Variants in NCLN observed in about 807,000 individuals in gnomAD.
The protein encoded by NCLN is BOS complex subunit NCLN.
Under a neutral mutation model 69.5 loss-of-function variants are expected in NCLN, and 34 were observed. The observed-to-expected ratio is 0.49, with a 90% CI of 0.37 to 0.65. The LOEUF is 0.65. Ranked by LOEUF, NCLN falls within the 30% of genes least tolerant of loss-of-function variation. The probability of loss-of-function intolerance (pLI) is 0.00; values close to 1 mark genes in which losing one functional copy is unlikely to be tolerated. For missense variants in NCLN, 710 were observed against 804.8 expected (o/e 0.88, Z 1.42); for synonymous variants, 393 against 358.3 (o/e 1.10, Z -1.09).
At position 3,206,321 on chromosome 19, in the gene NCLN, C is replaced by T. The variant is rs1413308878; in HGVS notation, c.1395C>T (p.Ala465=). Residue 465 remains alanine, a synonymous_variant, in exon 12 of 15, where the codon GCC becomes GCT. Transcript: ENST00000246117. The part of the protein sequence containing the change: ...VMDWLTNQPR[A]AQLVDKDSTF... Reference sequence around the variant, plus strand: ...ACTGGCTCACCAACCAGCCGCGGGCCGCGCAGCTGGTGGACAAGGACAGCA... The same window carrying T: ...ACTGGCTCACCAACCAGCCGCGGGCTGCGCAGCTGGTGGACAAGGACAGCA... 92 of 1,548,176 alleles carry T rather than the reference C, an allele frequency of 5.9e-5. No homozygotes were observed. Among genetic ancestry groups the T allele is most frequent in the Non-Finnish European group, 7.7e-5 (88 of 1,146,934 alleles).
At chr19:3,198,972 C>T (rs1916050944) in intron 5 of NCLN, 75 bp downstream of exon 5, 12 of 1,100,298 alleles carry the variant, frequency 1.1e-5, no homozygotes, top group Non-Finnish European at 1.2e-5. Context: ...CGAGGCAAAG[C>T]GCCTGTAGGG....
intron 4 of NCLN, among the ~76,000 whole-genome samples, chr19:3,197,267 G>T (rs922618967): frequency 1.3e-5 from 2 of 152,180 alleles, no homozygotes; most frequent in African/African-American, 4.8e-5. Flanking sequence ...CCCTGGCTGT[G>T]CCCTTTCTCC....
chr19:3,203,794 TTAAC>T lies in NCLN; in HGVS notation c.842_845del (p.Asn281ThrfsTer130). 6.2e-7 allele frequency: 1 copy of T among 1,613,382 alleles called. No homozygotes were observed. Among genetic ancestry groups the T allele is most frequent in the Non-Finnish European group, 8.5e-7 (1 of 1,179,892 alleles). ...TTCTTTGCGTCTGGAGGAGGCAAGT[TTAAC>T]TACCAGGGAACCAAGCGCTGGCTGG... On this transcript the variant is annotated frameshift_variant, in exon 7 of 15. Transcript: ENST00000246117. LOFTEE classifies it high-confidence loss of function.
chr19:3,202,682 G>A (rs1599357527), intron 6 of NCLN, among the ~76,000 whole-genome samples: 2 of 152,122 alleles, frequency 1.3e-5, no homozygotes, highest in Non-Finnish European at 2.9e-5. Context: ...GGCCTCAAGC[G>A]ATCCTCCTGC....
chr19:3,203,313 GA>G lies in NCLN; in HGVS notation c.801-431del, dbSNP rs558254917. Among the ~76,000 whole-genome samples the G allele has an allele frequency of 3.5e-3, 491 of 139,302 alleles. 1 individual carries two copies. Among genetic ancestry groups the G allele is most frequent in the South Asian group, 0.012 (54 of 4,404 alleles). The allele number at this position is 139,302 out of a possible 152,430, so 91.4% of individuals were successfully genotyped here. A position where few individuals can be genotyped will look rare whatever the true frequency, so the allele number is the denominator to read the frequency against. The stretch of plus-strand genomic sequence containing the variant: ...GAAAGAGCGAAACTCCGTCCCAAAA[GA>G]AAAAAAAAAAAGAATTCTTCTTCTT... On this transcript the variant is annotated intron_variant, in intron 6 of 14. Coordinates refer to ENST00000246117, the MANE Select transcript of NCLN (RefSeq NM_020170.4).
Position 3,208,058 on chromosome 19 carries a change from C to T in NCLN, c.*370C>T, listed in dbSNP as rs1040418049. 4 of 247,318 alleles carry T rather than the reference C, an allele frequency of 1.6e-5. No homozygotes were observed. Among genetic ancestry groups the T allele is most frequent in the South Asian group, 1.2e-4 (2 of 17,170 alleles). The allele number at this position is 247,318 out of a possible 1,614,324, so 15.3% of individuals were successfully genotyped here. A position where few individuals can be genotyped will look rare whatever the true frequency, so the allele number is the denominator to read the frequency against. ...CCCCTGCCCGATCGCGCGCGGCCTC[C>T]GCCCACCGCCTCCTGCCGCAAGGGG... is the stretch of plus-strand genomic sequence containing the variant. On this transcript the variant is annotated 3_prime_UTR_variant, in exon 15 of 15. Transcript: ENST00000246117.
chr19:3,193,218 G>T lies in NCLN; in HGVS notation c.376-66G>T, dbSNP rs561579389. ...GCTACCCCCACCAGGGACAGTCACT[G>T]GGCCCCCTGCTACCTTGCCACCCCC... On this transcript the variant is annotated intron_variant, in intron 2 of 14. Coordinates refer to ENST00000246117, the MANE Select transcript of NCLN (RefSeq NM_020170.4). The T allele has an allele frequency of 9.8e-5, 145 of 1,472,642 alleles. No homozygotes were observed. The African/African-American group carries it at 2.0e-3, about 20-fold the overall frequency. 91.2% of individuals were successfully genotyped at this position (1,472,642 alleles called of 1,614,324 possible). A position where few individuals can be genotyped will look rare whatever the true frequency, so the allele number is the denominator to read the frequency against.
At position 3,207,959 on chromosome 19, in the gene NCLN, C is replaced by T; in HGVS notation, c.*271C>T. On this transcript the variant is annotated 3_prime_UTR_variant, in exon 15 of 15. Transcript: ENST00000246117. ...CAGGCTACGGACTTGCGGACGAGCC[C>T]CCCAGTCCTGGGAGCCGGCCGCCCT... is the stretch of plus-strand genomic sequence containing the variant. 1 of 493,900 alleles carries T rather than the reference C, an allele frequency of 2.0e-6. No individual in the cohort carries two copies. Among genetic ancestry groups the T allele is most frequent in the Non-Finnish European group, 3.7e-6 (1 of 273,602 alleles). The allele number at this position is 493,900 out of a possible 1,614,324, so 30.6% of individuals were successfully genotyped here.
chr19:3,189,738 C>A (rs962595708), intron 1 of NCLN, among the ~76,000 whole-genome samples: 4 of 152,394 alleles, frequency 2.6e-5, no homozygotes, highest in African/African-American at 9.6e-5. Context: ...CGACCCTGGC[C>A]CTCGAGGGAG....
chr19:3,186,309 G>C (rs1170618419), intron 1 of NCLN, 95 bp downstream of exon 1: 2 of 1,316,392 alleles, frequency 1.5e-6, no homozygotes, highest in African/African-American at 3.1e-5. Flanking sequence ...GCTCCGGCCT[G>C]GGCTGCCCGA....
rs982343460 is a variant in NCLN at position 3,192,338 on chromosome 19, G to T, written c.185-132G>T. Reference sequence around the variant, plus strand: ...GCTGGGGGGACCCTGGGAGCTTCTCGAATCGGTGGTCTTCCAGGTTGTGGG... The same window carrying T: ...GCTGGGGGGACCCTGGGAGCTTCTCTAATCGGTGGTCTTCCAGGTTGTGGG... On this transcript the variant is annotated intron_variant, in intron 1 of 14. Coordinates refer to ENST00000246117, the MANE Select transcript of NCLN (RefSeq NM_020170.4). 1.2e-5 allele frequency: 9 copies of T among 741,692 alleles called. No individual in the cohort carries two copies. The African/African-American group carries it at 1.5e-4, about 12-fold the overall frequency. 45.9% of individuals were successfully genotyped at this position (741,692 alleles called of 1,614,324 possible).
In NCLN at chr19:3,185,946, C is replaced by A; in HGVS notation, c.-85C>A. ...GGCGCCCGCAGGACCCCGGCGGCTACCCATGCCGAGGTGAGTCCGCGGGAG... is the reference window on the plus strand; with the variant it reads ...GGCGCCCGCAGGACCCCGGCGGCTAACCATGCCGAGGTGAGTCCGCGGGAG... On this transcript the variant is annotated 5_prime_UTR_variant, in exon 1 of 15. Transcript: ENST00000246117. 5 of 1,088,188 alleles carry A rather than the reference C, an allele frequency of 4.6e-6. No homozygotes were observed. In the South Asian group the frequency reaches 9.7e-5, roughly 21 times the overall value. 67.4% of individuals were successfully genotyped at this position (1,088,188 alleles called of 1,614,324 possible). A position where few individuals can be genotyped will look rare whatever the true frequency, so the allele number is the denominator to read the frequency against.
Position 3,207,942 on chromosome 19 carries a change from G to A in NCLN, c.*254G>A, listed in dbSNP as rs975375286. 3 of 507,374 alleles carry A rather than the reference G, an allele frequency of 5.9e-6. No individual in the cohort carries two copies. Among genetic ancestry groups the A allele is most frequent in the African/African-American group, 3.9e-5 (2 of 51,830 alleles). 31.4% of individuals were successfully genotyped at this position (507,374 alleles called of 1,614,324 possible). ...GGGAGACGTCCCGGGGCCAGGCTACGGACTTGCGGACGAGCCCCCCAGTCC... is the reference window on the plus strand; with the variant it reads ...GGGAGACGTCCCGGGGCCAGGCTACAGACTTGCGGACGAGCCCCCCAGTCC... On this transcript the variant is annotated 3_prime_UTR_variant, in exon 15 of 15. Coordinates refer to ENST00000246117, the MANE Select transcript of NCLN (RefSeq NM_020170.4).
chr19:3,186,077 C>G lies in NCLN; in HGVS notation c.47C>G (p.Ser16Cys). 1 of 1,599,018 alleles carries G rather than the reference C, an allele frequency of 6.3e-7. No homozygotes were observed. The highest frequency in any genetic ancestry group is 8.5e-7 in the Non-Finnish European group (1 of 1,174,758). The change falls in exon 1 of 15, where the codon TCT becomes TGT. Residue 16 changes from serine to cysteine, a missense_variant. Transcript: ENST00000246117. ...GTGCTGGAGAACATGCTGAAGGCGT[C>G]TTGTCTGCCGCTCGGCTTCATCGTC... ...GEVLENMLKA[S>C]CLPLGFIVFL...
intron 1 of NCLN, among the ~76,000 whole-genome samples, chr19:3,188,967 A>G (rs1220413216): frequency 6.6e-6 from 1 of 151,902 alleles, no homozygotes; most frequent in Non-Finnish European, 1.5e-5. Context: ...CTTTGAGGCC[A>G]CCCTCCACCA....
chr19:3,194,201 G>GA lies in NCLN; in HGVS notation c.520+776dup, dbSNP rs1236132525. On this transcript the variant is annotated intron_variant, in intron 3 of 14. Coordinates refer to ENST00000246117, the MANE Select transcript of NCLN (RefSeq NM_020170.4). ...TCGAGACCAGCCTGGCCAACCTGGC[G>GA]AAAGCCTGTCTTTACTAAAAAAATA... 2.6e-5 allele frequency among the ~76,000 whole-genome samples: 4 copies of GA among 152,286 alleles called. No individual in the cohort carries two copies. The East Asian group carries it at 7.7e-4, about 29-fold the overall frequency.
chr19:3,201,498 G>C, intron 5 of NCLN, 25 bp from the exon 6 acceptor site: 1 of 1,526,598 alleles, frequency 6.6e-7, no homozygotes, highest in South Asian at 1.2e-5. Context: ...GGGTGACTGT[G>C]GCCTTGCCTC....
rs556429022 is a variant in NCLN at position 3,194,831 on chromosome 19, A to T, written c.521-1352A>T. The stretch of plus-strand genomic sequence containing the variant: ...AGTGGCACAATCTTAGCTCACTGCA[A>T]CCTGAAGGAGGAATCTTCTACTTGG... On this transcript the variant is annotated intron_variant, in intron 3 of 14. Transcript: ENST00000246117. Among the ~76,000 whole-genome samples the T allele has an allele frequency of 4.0e-5, 6 of 151,150 alleles. No homozygotes were observed. The East Asian group carries it at 1.2e-3, about 30-fold the overall frequency.
At chr19:3,200,723 C>T (rs1599356249) in intron 5 of NCLN, among the ~76,000 whole-genome samples, 2 of 152,084 alleles carry the variant, frequency 1.3e-5, no homozygotes, top group African/African-American at 4.8e-5. Context: ...CAGAACATTC[C>T]ATCACCCCAA....
Sources: gnomAD v4.1 joint callset for allele counts (sites outside exome capture counted in the v4.1 genomes callset) on GRCh38, gnomAD v4.1.1 for gene constraint, MANE v1.5 for transcripts, NCBI Gene and HGNC (gene_info 2026-07-23, HGNC 2026-07-21) for gene names.